Variants in CTNNA2 observed in about 807,000 individuals in gnomAD.
The protein encoded by CTNNA2 is catenin alpha 2.
In CTNNA2, 42 loss-of-function variants were observed where a neutral mutation model predicts 101.0. The ratio of observed to expected loss-of-function variants is 0.42; its 90% CI spans 0.32 to 0.54. The LOEUF is 0.54. Ranked by LOEUF, CTNNA2 falls within the 20% of genes least tolerant of loss-of-function variation. The pLI is 0.14. For missense variants in CTNNA2, 871 were observed against 1,223.1 expected (o/e 0.71, Z 4.29); for synonymous variants, 450 against 456.4 (o/e 0.99, Z 0.18).
intron 1 of CTNNA2, among the ~76,000 whole-genome samples, chr2:79,600,591 A>G (rs1248023604): frequency 2.0e-5 from 3 of 152,186 alleles, no homozygotes; most frequent in African/African-American, 7.2e-5. Flanking sequence ...CCACCTCACT[A>G]TTGAACACGT....
At chr2:79,800,854 A>G (rs1676100349) in intron 3 of CTNNA2, among the ~76,000 whole-genome samples, 1 of 152,182 alleles carries the variant, frequency 6.6e-6, no homozygotes, top group Non-Finnish European at 1.5e-5. Context: ...TGTGATGTGA[A>G]TCTGGTCAGA....
intron 3 of CTNNA2, among the ~76,000 whole-genome samples, chr2:79,776,369 G>A (rs536868848): frequency 1.7e-4 from 26 of 152,126 alleles, no homozygotes; most frequent in African/African-American, 5.8e-4. Flanking sequence ...CAATATCCAT[G>A]GTAACAGATA....
chr2:80,393,689 T>TA (rs1349194074), intron 8 of CTNNA2, among the ~76,000 whole-genome samples: 1 of 152,226 alleles, frequency 6.6e-6, no homozygotes, highest in Non-Finnish European at 1.5e-5. Flanking sequence ...TAATGAGAAA[T>TA]ACAACTCTTA....
intron 18 of CTNNA2, among the ~76,000 whole-genome samples, chr2:80,642,169 TAGGTATTTG>T (rs1373035616): frequency 1.3e-5 from 2 of 152,150 alleles, no homozygotes; most frequent in East Asian, 3.9e-4. Flanking sequence ...TTGGACTAGT[TAGGTATTTG>T]AGAATTGTCC....
chr2:79,351,715 T>C (rs529578784), intron 3 of CTNNA2, among the ~76,000 whole-genome samples: 12 of 152,348 alleles, frequency 7.9e-5, no homozygotes, highest in Non-Finnish European at 1.3e-4. Flanking sequence ...GTTAGTTCAC[T>C]TATGATAATG....
chr2:79,823,984 T>A (rs1429917454), intron 3 of CTNNA2, among the ~76,000 whole-genome samples: 1 of 152,054 alleles, frequency 6.6e-6, no homozygotes, highest in African/African-American at 2.4e-5. Flanking sequence ...GACCTCTGTC[T>A]GTTTAGGGGG....
At chr2:80,267,367 GAGAA>G (rs1243993010) in intron 7 of CTNNA2, among the ~76,000 whole-genome samples, 1 of 152,230 alleles carries the variant, frequency 6.6e-6, no homozygotes, top group Non-Finnish European at 1.5e-5. Flanking sequence ...AGAAAGGGTT[GAGAA>G]AGAGAGAGTT....
intron 7 of CTNNA2, among the ~76,000 whole-genome samples, chr2:79,970,878 A>G (rs1690430427): frequency 6.6e-6 from 1 of 152,158 alleles, no homozygotes; most frequent in Non-Finnish European, 1.5e-5. Context: ...CAGAGAGGGA[A>G]AAGACTTGAG....
At chr2:79,888,986 G>C (rs1684099455) in intron 6 of CTNNA2, among the ~76,000 whole-genome samples, 1 of 151,996 alleles carries the variant, frequency 6.6e-6, no homozygotes, top group Non-Finnish European at 1.5e-5. Flanking sequence ...TAAAATGTTT[G>C]ATTTTTTAAT....
chr2:79,301,770 G>C (rs936147213), intron 2 of CTNNA2, among the ~76,000 whole-genome samples: 2 of 152,158 alleles, frequency 1.3e-5, no homozygotes, highest in African/African-American at 4.8e-5. Flanking sequence ...AGTCAGAGCT[G>C]TGAGATCTGG....
In CTNNA2 at chr2:79,270,231, T is replaced by TA. The variant is rs1046288419; in HGVS notation, c.-405-42470dup. On this transcript the variant is annotated intron_variant, in intron 2 of 21. Coordinates refer to the CTNNA2 transcript ENST00000466387. ...TGTGAACTATATCTCAAGGAAACTG[T>TA]AAAAAAAATATATGACAAAGAAGAA... Among the ~76,000 whole-genome samples, 117 of 152,042 alleles carry TA rather than the reference T, an allele frequency of 7.7e-4. 2 individuals are homozygous for TA. The highest frequency in any genetic ancestry group is 2.3e-3 in the African/African-American group (96 of 41,484).
At chr2:79,196,114 A>G (rs1378854214) in intron 1 of CTNNA2, among the ~76,000 whole-genome samples, 1 of 152,040 alleles carries the variant, frequency 6.6e-6, no homozygotes, top group Non-Finnish European at 1.5e-5. Flanking sequence ...TTGTCTTTTT[A>G]GTAGAGACGG....
chr2:79,591,560 T>G (rs1676848057), intron 1 of CTNNA2, among the ~76,000 whole-genome samples: 1 of 152,232 alleles, frequency 6.6e-6, no homozygotes, highest in Admixed American at 6.5e-5. Flanking sequence ...TCCAGTTATG[T>G]ATTTCTTACA....
intron 1 of CTNNA2, among the ~76,000 whole-genome samples, chr2:79,574,580 G>C (rs1387636444): frequency 6.6e-6 from 1 of 152,112 alleles, no homozygotes; most frequent in Admixed American, 6.5e-5. Context: ...AGTATTACGT[G>C]GTACGTATGT....
At chr2:79,827,671 C>A (rs1479671479) in intron 3 of CTNNA2, among the ~76,000 whole-genome samples, 2 of 152,086 alleles carry the variant, frequency 1.3e-5, no homozygotes, top group African/African-American at 4.8e-5. Context: ...TCTGTAGATG[C>A]CCCTGAAAGG....
intron 7 of CTNNA2, among the ~76,000 whole-genome samples, chr2:79,955,118 T>A (rs1689136173): frequency 6.6e-6 from 1 of 152,218 alleles, no homozygotes; most frequent in Non-Finnish European, 1.5e-5. Flanking sequence ...ATATTTGACA[T>A]GTTTTATTAT....
intron 7 of CTNNA2, among the ~76,000 whole-genome samples, chr2:80,212,316 C>G (rs1707947008): frequency 6.6e-6 from 1 of 152,160 alleles, no homozygotes; most frequent in South Asian, 2.1e-4. Context: ...GGGAATGCTT[C>G]AAGTTTTTGC....
intron 7 of CTNNA2, among the ~76,000 whole-genome samples, chr2:80,018,905 C>T (rs1472779240): frequency 1.3e-5 from 2 of 152,004 alleles, no homozygotes; most frequent in African/African-American, 4.8e-5. Flanking sequence ...AATTGTCCCT[C>T]ATTATCTGTG....
intron 3 of CTNNA2, among the ~76,000 whole-genome samples, chr2:79,820,691 T>C (rs1012433590): frequency 6.6e-6 from 1 of 152,240 alleles, no homozygotes; most frequent in Non-Finnish European, 1.5e-5. Flanking sequence ...CATGTTTATT[T>C]TGAAACATGT....
Sources: allele counts gnomAD v4.1 joint callset (sites outside exome capture counted in the v4.1 genomes callset), GRCh38; gene constraint gnomAD v4.1.1; transcripts MANE v1.5; gene names NCBI Gene and HGNC (gene_info 2026-07-23, HGNC 2026-07-21).